The following ASIC2 variants were observed in gnomAD, a reference collection of about 807,000 sequenced individuals.
The protein encoded by ASIC2 is acid sensing ion channel subunit 2.
In ASIC2, 25 loss-of-function variants were observed where a neutral mutation model predicts 57.3. That is an observed-to-expected ratio of 0.44 (90% CI 0.32 to 0.61). The LOEUF (loss-of-function observed/expected upper bound fraction) is 0.61, where lower values mean the gene tolerates loss of function less well. ASIC2 is among the 20% of genes least tolerant of loss of function. ASIC2 has a pLI of 0.06. For synonymous variants in ASIC2, 319 were observed against 307.5 expected, an observed-to-expected ratio of 1.04 and a Z score of -0.39; for missense variants, 641 against 738.1, an observed-to-expected ratio of 0.87 and a Z score of 1.52.
chr17:33,992,184 A>G (rs1235460035), intron 1 of ASIC2, among the ~76,000 whole-genome samples: 2 of 152,188 alleles, frequency 1.3e-5, no homozygotes, highest in African/African-American at 4.8e-5. Flanking sequence ...AACTGATGGA[A>G]TCATCTGTAT....
Position 34,137,491 on chromosome 17 carries a change from G to A in ASIC2, c.555+18487C>T, listed in dbSNP as rs149457297. The stretch of plus-strand genomic sequence containing the variant: ...TAATTAGTGTCCCTGTGGAGGCAAG[G>A]CAGAGAGCAGGTTGTGTGGAGGAAA... On this transcript the variant is annotated intron_variant, in intron 1 of 9. Transcript: ENST00000359872. Among the ~76,000 whole-genome samples the A allele has an allele frequency of 3.3e-5, 5 of 152,326 alleles. No individual in the cohort carries two copies. In the East Asian group the frequency reaches 9.6e-4, roughly 29 times the overall value.
intron 1 of ASIC2, among the ~76,000 whole-genome samples, chr17:33,182,921 G>C (rs889345496): frequency 6.6e-6 from 1 of 152,174 alleles, no homozygotes; most frequent in African/African-American, 2.4e-5. Flanking sequence ...TAAAAAAAGA[G>C]AATAATGTTC....
chr17:33,762,611 A>G (rs972952325), intron 1 of ASIC2, among the ~76,000 whole-genome samples: 2 of 152,226 alleles, frequency 1.3e-5, no homozygotes, highest in Non-Finnish European at 2.9e-5. Context: ...GGCCGCTCCC[A>G]TAGTCCTTAC....
At chr17:33,073,575 C>T (rs965711863) in intron 3 of ASIC2, among the ~76,000 whole-genome samples, 12 of 152,136 alleles carry the variant, frequency 7.9e-5, no homozygotes, top group Non-Finnish European at 1.5e-4. Context: ...TCACTCATTG[C>T]GACCATCACA....
intron 3 of ASIC2, chr17:33,052,763 G>T (rs1413224882): frequency 1.3e-5 from 2 of 152,236 alleles, no homozygotes; most frequent in African/African-American, 4.8e-5. Flanking sequence ...TCACTGCACA[G>T]ATAAACTAGG....
At chr17:33,382,683 A>G (rs985041532) in intron 1 of ASIC2, among the ~76,000 whole-genome samples, 1 of 152,198 alleles carries the variant, frequency 6.6e-6, no homozygotes, top group African/African-American at 2.4e-5. Context: ...AGAGGAGGAT[A>G]TTGAGGATCA....
chr17:33,748,162 G>A (rs1206625713), intron 1 of ASIC2, among the ~76,000 whole-genome samples: 1 of 152,236 alleles, frequency 6.6e-6, no homozygotes. Context: ...TCTCTGGGCA[G>A]TTCCTCTCAT....
chr17:33,550,398 G>A (rs1420532400), intron 1 of ASIC2, among the ~76,000 whole-genome samples: 1 of 152,196 alleles, frequency 6.6e-6, no homozygotes, highest in African/African-American at 2.4e-5. Context: ...GGAAGAAAGG[G>A]CTCACATGTG....
rs553733838 is a variant in ASIC2, at chr17:33,256,079, G to C, written c.708+35329C>G. On this transcript the variant is annotated intron_variant, in intron 1 of 9. Transcript: ENST00000225823. ...AGACTAATTACCATGGATTTGAGTG[G>C]TCACTTAAAAAAATACTTGCTATTT... Among the ~76,000 whole-genome samples the C allele has an allele frequency of 3.3e-5, 5 of 152,236 alleles. No homozygotes were observed. The South Asian group carries it at 1.0e-3, about 32-fold the overall frequency.
chr17:33,640,925 G>T (rs537905286), intron 1 of ASIC2, among the ~76,000 whole-genome samples: 173 of 152,276 alleles, frequency 1.1e-3, no homozygotes, highest in Admixed American at 2.0e-3. Flanking sequence ...GGCTGGCTAC[G>T]CAAGACACTT....
intron 1 of ASIC2, among the ~76,000 whole-genome samples, chr17:33,254,464 A>G (rs1908989049): frequency 6.6e-6 from 1 of 152,086 alleles, no homozygotes; most frequent in Admixed American, 6.5e-5. Context: ...TACCTCTGCT[A>G]CCCCAAACCA....
intron 1 of ASIC2, among the ~76,000 whole-genome samples, chr17:33,722,145 G>C (rs903476341): frequency 6.6e-6 from 1 of 152,258 alleles, no homozygotes. Context: ...TTGAATCATG[G>C]GGGTGGGATT....
intron 1 of ASIC2, among the ~76,000 whole-genome samples, chr17:33,865,549 T>C (rs1914209792): frequency 6.6e-6 from 1 of 152,170 alleles, no homozygotes; most frequent in African/African-American, 2.4e-5. Context: ...TTACTGTACA[T>C]ATTATTTCAT....
At chr17:33,977,227 T>C (rs1391614661) in intron 1 of ASIC2, among the ~76,000 whole-genome samples, 1 of 151,700 alleles carries the variant, frequency 6.6e-6, no homozygotes, top group African/African-American at 2.4e-5. Context: ...TAAACTAAAG[T>C]AATTGCTGAA....
At chr17:33,578,743 T>C (rs938220505) in intron 1 of ASIC2, among the ~76,000 whole-genome samples, 1 of 152,174 alleles carries the variant, frequency 6.6e-6, no homozygotes, top group Admixed American at 6.5e-5. Context: ...CACTAATGGC[T>C]TTTCAATACA....
chr17:33,527,962 AT>A (rs1412088837), intron 1 of ASIC2, among the ~76,000 whole-genome samples: 18 of 152,230 alleles, frequency 1.2e-4, no homozygotes, highest in African/African-American at 4.1e-4. Context: ...GAGGAAGAAG[AT>A]GGAACTTCAT....
chr17:33,215,354 T>C (rs923093757), intron 1 of ASIC2, among the ~76,000 whole-genome samples: 1 of 152,246 alleles, frequency 6.6e-6, no homozygotes, highest in Non-Finnish European at 1.5e-5. Flanking sequence ...CTTGAAATTA[T>C]GTATCCTAGC....
intron 1 of ASIC2, among the ~76,000 whole-genome samples, chr17:33,825,868 A>G (rs1912891092): frequency 6.6e-6 from 1 of 152,216 alleles, no homozygotes; most frequent in South Asian, 2.1e-4. Context: ...TAAAAGATAT[A>G]TAAGATAAAT....
intron 1 of ASIC2, among the ~76,000 whole-genome samples, chr17:33,709,827 A>G (rs1039403650): frequency 6.6e-6 from 1 of 152,254 alleles, no homozygotes; most frequent in African/African-American, 2.4e-5. Context: ...GCTTTTAAAC[A>G]AACCACTTAA....
Sources: allele counts gnomAD v4.1 joint callset (sites outside exome capture counted in the v4.1 genomes callset), GRCh38; gene constraint gnomAD v4.1.1; transcripts MANE v1.5; gene names NCBI Gene and HGNC (gene_info 2026-07-23, HGNC 2026-07-21).